The following DGKI variants were observed in gnomAD, a reference collection of about 807,000 sequenced individuals.
DGKI encodes the protein diacylglycerol kinase iota.
A neutral mutation model predicts 147.5 loss-of-function variants in DGKI; 55 were observed. That is an observed-to-expected ratio of 0.37 (90% CI 0.30 to 0.47). The LOEUF (loss-of-function observed/expected upper bound fraction) is 0.47, where lower values mean the gene tolerates loss of function less well. Ranked by LOEUF, DGKI falls within the 20% of genes least tolerant of loss-of-function variation. The pLI, the probability that DGKI is intolerant of heterozygous loss-of-function variation, is 1.00. For missense variants in DGKI, 1,007 were observed against 1,323.8 expected (o/e 0.76, Z 3.71); for synonymous variants, 469 against 477.1 (o/e 0.98, Z 0.22).
chr7:137,641,284 T>C (rs1821615343), intron 6 of DGKI, among the ~76,000 whole-genome samples: 1 of 152,114 alleles, frequency 6.6e-6, no homozygotes, highest in African/African-American at 2.4e-5. Flanking sequence ...CAGTCTCGGG[T>C]ATGTGTTTAT....
At chr7:137,462,707 C>T (rs1814494099) in intron 27 of DGKI, among the ~76,000 whole-genome samples, 1 of 152,108 alleles carries the variant, frequency 6.6e-6, no homozygotes, top group Admixed American at 6.5e-5. Context: ...TTGATTAAGA[C>T]CCCAGGTAAA....
intron 27 of DGKI, among the ~76,000 whole-genome samples, chr7:137,461,562 G>A (rs1369839140): frequency 6.6e-6 from 1 of 152,148 alleles, no homozygotes; most frequent in Non-Finnish European, 1.5e-5. Context: ...GTTTAGTTTA[G>A]TTTTATTTTT....
intron 19 of DGKI, among the ~76,000 whole-genome samples, chr7:137,559,219 C>T (rs1033110440): frequency 2.2e-4 from 33 of 149,864 alleles, no homozygotes; most frequent in African/African-American, 7.9e-4. Flanking sequence ...CTACAGGCGC[C>T]CGCCACTACG....
chr7:137,844,083 C>T (rs1798639995), intron 1 of DGKI, among the ~76,000 whole-genome samples: 1 of 152,160 alleles, frequency 6.6e-6, no homozygotes, highest in Non-Finnish European at 1.5e-5. Context: ...CCCTCAGCTC[C>T]TGACAAACCT....
Position 137,846,675 on chromosome 7 carries a change from T to A in DGKI, c.188A>T (p.Lys63Ile). The A allele has an allele frequency of 9.3e-7, 1 of 1,073,098 alleles. No individual in the cohort carries two copies. Among genetic ancestry groups the A allele is most frequent in the Non-Finnish European group, 1.1e-6 (1 of 883,802 alleles). 66.5% of individuals were successfully genotyped at this position (1,073,098 alleles called of 1,614,324 possible). The stretch of plus-strand genomic sequence containing the variant: ...GCTGCTGCTGCCGCCCGTCGCCCCT[T>A]TCTCCTCTCCCGCCGAGGAGCTGGG... ...MNPSSSAGEE[K>I]GATGGSSSSG... The change falls in exon 1 of 33, where the codon AAA becomes ATA. Residue 63 changes from lysine to isoleucine, a missense_variant. Physicochemically the swap from Lys to Ile is moderately radical, Grantham distance 102 (BLOSUM62 -3). This residue lies in a region of DGKI where 137 missense variants were observed against 114.4 expected (regional missense o/e 1.20). Coordinates refer to ENST00000614521, the MANE Select transcript of DGKI (RefSeq NM_001321708.2). The surrounding 1 kb of genome is among the most constrained non-coding windows in gnomAD (Gnocchi z 4.0).
chr7:137,731,243 C>T (rs1794876238), intron 1 of DGKI, among the ~76,000 whole-genome samples: 2 of 152,076 alleles, frequency 1.3e-5, no homozygotes, highest in Non-Finnish European at 2.9e-5. Context: ...CGTCTTCATT[C>T]ACTCTGCTTC....
At chr7:137,770,206 T>C (rs1796141486) in intron 1 of DGKI, among the ~76,000 whole-genome samples, 1 of 151,758 alleles carries the variant, frequency 6.6e-6, no homozygotes, top group South Asian at 2.1e-4. Context: ...CTCAGCAAAC[T>C]AACACAGGAA....
intron 8 of DGKI, 42 bp downstream of exon 8, chr7:137,619,782 T>G: frequency 2.0e-6 from 3 of 1,498,084 alleles, no homozygotes; most frequent in South Asian, 2.3e-5. Context: ...CAGTTCATTT[T>G]TCTCTGCACT....
intron 28 of DGKI, among the ~76,000 whole-genome samples, chr7:137,413,461 T>G (rs574703766): frequency 6.6e-6 from 1 of 152,030 alleles, no homozygotes; most frequent in Non-Finnish European, 1.5e-5. Context: ...GAGTTCCCAG[T>G]GTCTATTGTT....
chr7:137,572,790 A>T lies in DGKI; in HGVS notation c.1810T>A (p.Cys604Ser). ...TPKIQELKFQ[C>S]IVFLNIPRYC... ...CTGGGTATATTTAAAAATACTATAC[A>T]CTGGAACTTCAGTTCCTGAATCTTT... The change falls in exon 18 of 33, where the codon TGT becomes AGT. Residue 604 changes from cysteine to serine, a missense_variant. Physicochemically the swap from Cys to Ser is moderately radical, Grantham distance 112. Around this residue, in one of 5 missense-constraint regions of DGKI, gnomAD observed 224 missense variants for 382.7 expected, o/e 0.59. Coordinates refer to ENST00000614521, the MANE Select transcript of DGKI (RefSeq NM_001321708.2). 1 of 1,611,894 alleles carries T rather than the reference A, an allele frequency of 6.2e-7. No individual in the cohort carries two copies. The highest frequency in any genetic ancestry group is 8.5e-7 in the Non-Finnish European group (1 of 1,179,068).
rs371585384 is a variant in DGKI, at chr7:137,593,579, G to A, written c.1311+4268C>T. 5.3e-5 allele frequency among the ~76,000 whole-genome samples: 8 copies of A among 152,182 alleles called. No individual in the cohort carries two copies. In the East Asian group the frequency reaches 1.2e-3, roughly 22 times the overall value. ...AGAGACTACACCTGCACTGTCCAAC[G>A]CAGCAGCCATTGGCCACATGTGGTG... On this transcript the variant is annotated intron_variant, in intron 12 of 32. Transcript: ENST00000614521.
Position 137,387,025 on chromosome 7 carries a change from C to A in DGKI, c.*4195G>T, listed in dbSNP as rs780577613. ...ATAATTGAATAAAATATGCTGTTCT[C>A]AGTGATTTCATTAGCTACTCCTTCT... On this transcript the variant is annotated 3_prime_UTR_variant, in exon 33 of 33. Transcript: ENST00000614521. 1.3e-5 allele frequency: 2 copies of A among 152,076 alleles called. No individual in the cohort carries two copies. Among genetic ancestry groups the A allele is most frequent in the African/African-American group, 2.4e-5 (1 of 41,416 alleles). The allele number at this position is 152,076 out of a possible 1,614,324, so 9.4% of individuals were successfully genotyped here.
intron 6 of DGKI, among the ~76,000 whole-genome samples, chr7:137,634,264 A>C (rs2129002907): frequency 6.6e-6 from 1 of 152,312 alleles, no homozygotes; most frequent in East Asian, 1.9e-4. Context: ...AGCATGAAAC[A>C]GTGCTGCAGC....
chr7:137,613,170 A>G (rs1301685034), intron 8 of DGKI, among the ~76,000 whole-genome samples: 1 of 152,146 alleles, frequency 6.6e-6, no homozygotes, highest in Non-Finnish European at 1.5e-5. Context: ...ACTGGTTATA[A>G]TAACAGATCC....
chr7:137,392,626 T>C (rs1238784156), intron 32 of DGKI, among the ~76,000 whole-genome samples: 2 of 152,254 alleles, frequency 1.3e-5, no homozygotes, highest in African/African-American at 4.8e-5. Context: ...ATGTTACTTA[T>C]TCACTTGGGA....
At chr7:137,642,922 A>G (rs1280832198) in intron 6 of DGKI, among the ~76,000 whole-genome samples, 1 of 111,786 alleles carries the variant, frequency 8.9e-6, no homozygotes, top group Non-Finnish European at 1.9e-5. Context: ...TGAGTAAATT[A>G]TGGAATAGTG....
At chr7:137,760,345 C>A (rs1795820207) in intron 1 of DGKI, among the ~76,000 whole-genome samples, 1 of 152,182 alleles carries the variant, frequency 6.6e-6, no homozygotes, top group African/African-American at 2.4e-5. Context: ...GTCATGGTTA[C>A]TCTAATCTTT....
At chr7:137,573,087 T>C (rs1245167784) in intron 17 of DGKI, among the ~76,000 whole-genome samples, 6 of 152,186 alleles carry the variant, frequency 3.9e-5, no homozygotes, top group Non-Finnish European at 8.8e-5. Context: ...AAATGATTTC[T>C]TCTCTGGTCT....
At chr7:137,449,975 T>C (rs372245288) in intron 27 of DGKI, among the ~76,000 whole-genome samples, 1 of 152,128 alleles carries the variant, frequency 6.6e-6, no homozygotes, top group Admixed American at 6.5e-5. Flanking sequence ...AATCCTGTCA[T>C]TTGCAACAAC....
Sources: allele counts gnomAD v4.1 joint callset (sites outside exome capture counted in the v4.1 genomes callset), GRCh38; gene constraint gnomAD v4.1.1; regional missense constraint gnomAD v4.1.1; non-coding constraint Gnocchi (gnomAD v3.1); transcripts MANE v1.5; gene names NCBI Gene and HGNC (gene_info 2026-07-23, HGNC 2026-07-21).